Variants in DCLRE1C observed in about 807,000 individuals in gnomAD.
The protein encoded by DCLRE1C is DNA cross-link repair 1C.
A neutral mutation model predicts 61.4 loss-of-function variants in DCLRE1C; 47 were observed. That is an observed-to-expected ratio of 0.77 (90% CI 0.61 to 0.98). The LOEUF (loss-of-function observed/expected upper bound fraction) is 0.98, where lower values mean the gene tolerates loss of function less well. DCLRE1C is among the 50% of genes least tolerant of loss of function. The pLI is 0.00. For missense variants in DCLRE1C, 858 were observed against 816.0 expected, an observed-to-expected ratio of 1.05 and a Z score of -0.63; for synonymous variants, 337 against 287.6, an observed-to-expected ratio of 1.17 and a Z score of -1.74.
intron 13 of DCLRE1C, among the ~76,000 whole-genome samples, chr10:14,911,851 A>T (rs1835311505): frequency 6.6e-6 from 1 of 152,244 alleles, no homozygotes; most frequent in Non-Finnish European, 1.5e-5. Flanking sequence ...AAGAAAGCTC[A>T]ACATTAGTCA....
Position 14,908,754 on chromosome 10 carries a change from T to C in DCLRE1C, c.1733A>G (p.Tyr578Cys), listed in dbSNP as rs778823769. The C allele has an allele frequency of 7.0e-5, 113 of 1,614,126 alleles. 1 individual carries two copies. In the Admixed American group the frequency reaches 1.7e-3, roughly 25 times the overall value. Residue 578 changes from tyrosine (Y) to cysteine (C), a missense_variant, in exon 14 of 14, where the codon TAC becomes TGC. Tyr to Cys is a radical substitution (Grantham distance 194, BLOSUM62 -2). This residue lies in a region of DCLRE1C where 843 missense variants were observed against 783.5 expected (regional missense o/e 1.08). Coordinates refer to ENST00000378278, the MANE Select transcript of DCLRE1C (RefSeq NM_001033855.3). The part of the protein sequence containing the change: ...GDITSLDKAD[Y>C]RPTIKENIPA... ...AATATTCTCTTTGATTGTTGGTCTGTAGTCAGCTTTGTCCAAGGAAGTAAT... is the reference window on the plus strand; with the variant it reads ...AATATTCTCTTTGATTGTTGGTCTGCAGTCAGCTTTGTCCAAGGAAGTAAT...
At position 14,933,939 on chromosome 10, in the gene DCLRE1C, T is replaced by A. The variant is rs576681296; in HGVS notation, c.678+441A>T. Reference sequence around the variant, plus strand: ...CGCGAACCTCTGCTGCAGACACGTCTTGTTAGGGTGCTTCCATCTGTCCCT... The same window carrying A: ...CGCGAACCTCTGCTGCAGACACGTCATGTTAGGGTGCTTCCATCTGTCCCT... On this transcript the variant is annotated intron_variant, in intron 8 of 13. Coordinates refer to ENST00000378278, the MANE Select transcript of DCLRE1C (RefSeq NM_001033855.3). Among the ~76,000 whole-genome samples the A allele has an allele frequency of 2.6e-5, 4 of 152,216 alleles. No individual in the cohort carries two copies. In the East Asian group the frequency reaches 7.7e-4, roughly 29 times the overall value.
rs751968783 is a variant in DCLRE1C, at chr10:14,908,716, T to A, written c.1771A>T (p.Met591Leu). Residue 591 changes from methionine to leucine, a missense_variant, in exon 14 of 14, where the codon ATG (methionine) becomes TTG (leucine). Physicochemically the swap from Met to Leu is conservative, Grantham distance 15. Around this residue, in one of 2 missense-constraint regions of DCLRE1C, gnomAD observed 843 missense variants for 783.5 expected, o/e 1.08. Transcript: ENST00000378278. The part of the protein sequence containing the change: ...TIKENIPASL[M>L]EQNVICPKDT... ...TTTGGGCAAATTACATTTTGTTCCA[T>A]GAGAGAGGCAGGAATATTCTCTTTG... is the stretch of plus-strand genomic sequence containing the variant. 2 of 1,614,128 alleles carry A rather than the reference T, an allele frequency of 1.2e-6. No individual in the cohort carries two copies. The highest frequency in any genetic ancestry group is 1.7e-6 in the Non-Finnish European group (2 of 1,180,054).
chr10:14,938,554 T>G (rs1448580100), intron 4 of DCLRE1C, among the ~76,000 whole-genome samples: 1 of 151,984 alleles, frequency 6.6e-6, no homozygotes, highest in Non-Finnish European at 1.5e-5. Flanking sequence ...AAGCCAATAT[T>G]AACCAAAATA....
At chr10:14,920,406 G>A in intron 12 of DCLRE1C, 1 of 1,010,372 alleles carries the variant, frequency 9.9e-7, no homozygotes, top group Non-Finnish European at 1.2e-6. Flanking sequence ...ACTGCCAACT[G>A]CCTCCTCCTG....
At chr10:14,920,181 A>G (rs1438463070) in intron 12 of DCLRE1C, among the ~76,000 whole-genome samples, 2 of 152,182 alleles carry the variant, frequency 1.3e-5, no homozygotes, top group East Asian at 1.9e-4. Context: ...CTGAAAACCT[A>G]TGAATACAGT....
chr10:14,918,036 C>A (rs933981012), intron 13 of DCLRE1C, among the ~76,000 whole-genome samples: 2 of 152,176 alleles, frequency 1.3e-5, no homozygotes, highest in Non-Finnish European at 2.9e-5. Context: ...CGATGTGGAG[C>A]AACTGAACTC....
chr10:14,950,947 CAG>C (rs1407790201), intron 1 of DCLRE1C, among the ~76,000 whole-genome samples: 1 of 152,222 alleles, frequency 6.6e-6, no homozygotes, highest in East Asian at 1.9e-4. Context: ...TCTCAGGTCT[CAG>C]GGGTCGGGGG....
intron 6 of DCLRE1C, 32 bp from the exon 7 acceptor site, chr10:14,934,807 C>T: frequency 6.7e-7 from 1 of 1,499,098 alleles, no homozygotes; most frequent in Non-Finnish European, 9.3e-7. Context: ...GTTAGCCATC[C>T]AATGTGATAT....
rs1834257066 is a variant in DCLRE1C, at chr10:14,904,803, C to A, written c.*3605G>T. Among the ~76,000 whole-genome samples the A allele has an allele frequency of 6.6e-6, 1 of 152,138 alleles. No homozygotes were observed. The highest frequency in any genetic ancestry group is 1.9e-4 in the East Asian group (1 of 5,206). On this transcript the variant is annotated 3_prime_UTR_variant, in exon 14 of 14. Transcript: ENST00000378278. ...CATCATATTGGTTTCCTGAAGATGTCAGAATTTTTCAGTGTAAGACAAATA... is the reference window on the plus strand; with the variant it reads ...CATCATATTGGTTTCCTGAAGATGTAAGAATTTTTCAGTGTAAGACAAATA...
chr10:14,943,791 C>T (rs1255584801), intron 3 of DCLRE1C, among the ~76,000 whole-genome samples: 4 of 152,202 alleles, frequency 2.6e-5, no homozygotes, highest in African/African-American at 7.2e-5. Context: ...GGTGAGCTGC[C>T]CGCCTCGGCC....
chr10:14,921,889 T>A (rs1298112361), intron 12 of DCLRE1C, among the ~76,000 whole-genome samples: 1 of 152,218 alleles, frequency 6.6e-6, no homozygotes, highest in African/African-American at 2.4e-5. Context: ...TCCAATTCTG[T>A]GTCTCCAACC....
rs1205017687 is a variant in DCLRE1C at position 14,907,902 on chromosome 10, C to T, written c.*506G>A. The T allele has an allele frequency of 3.8e-5, 5 of 129,944 alleles. No homozygotes were observed. In the East Asian group the frequency reaches 1.2e-3, roughly 31 times the overall value. The allele number at this position is 129,944 out of a possible 1,614,324, so 8.0% of individuals were successfully genotyped here. ...TTGAGACAGAGTTTTGCTCTTGTTG[C>T]CCAGGCTGGAGTGCAATGACACAAT... On this transcript the variant is annotated 3_prime_UTR_variant, in exon 14 of 14. Transcript: ENST00000378278.
downstream of DCLRE1C, chr10:14,899,695 C>T (rs1056233424): frequency 1.5e-5 from 24 of 1,612,504 alleles, no homozygotes; most frequent in Admixed American, 1.2e-4. Context: ...CGTAAGAAGA[C>T]ATACGTAAAT....
chr10:14,943,584 G>T (rs35141448), intron 3 of DCLRE1C, among the ~76,000 whole-genome samples: 34,399 of 151,150 alleles, frequency 0.23, 4,744 homozygotes, highest in Admixed American at 0.32. Context: ...ATGGAGTCTC[G>T]CTCTGTCACC....
intron 9 of DCLRE1C, among the ~76,000 whole-genome samples, chr10:14,931,342 G>A (rs549065163): frequency 1.1e-4 from 16 of 151,840 alleles, no homozygotes; most frequent in African/African-American, 3.1e-4. Context: ...GTGTGGTCAC[G>A]AGGTTAGGAG....
intron 1 of DCLRE1C, among the ~76,000 whole-genome samples, chr10:14,951,112 C>T (rs1014483288): frequency 6.6e-6 from 1 of 152,106 alleles, no homozygotes; most frequent in African/African-American, 2.4e-5. Flanking sequence ...GGTGTGGTAG[C>T]TCACACCTGT....
chr10:14,920,444 T>C, intron 12 of DCLRE1C: 1 of 1,005,956 alleles, frequency 9.9e-7, no homozygotes, highest in Non-Finnish European at 1.2e-6. Context: ...TTTAGGATGA[T>C]CTACAACATA....
intron 13 of DCLRE1C, among the ~76,000 whole-genome samples, chr10:14,912,435 A>C (rs114564057): frequency 0.012 from 1,759 of 152,218 alleles, 29 homozygotes; most frequent in African/African-American, 0.039. Context: ...TCTACCCCCC[A>C]CAAGAAATAA....
Sources: allele counts gnomAD v4.1 joint callset (sites outside exome capture counted in the v4.1 genomes callset), GRCh38; gene constraint gnomAD v4.1.1; regional missense constraint gnomAD v4.1.1; transcripts MANE v1.5; gene names NCBI Gene and HGNC (gene_info 2026-07-23, HGNC 2026-07-21).